The following RNF212B variants were observed in gnomAD, a reference collection of about 807,000 sequenced individuals.
RNF212B encodes the protein ring finger protein 212B.
In RNF212B, 52 loss-of-function variants were observed where a neutral mutation model predicts 55.5. The observed-to-expected ratio is 0.94, with a 90% CI of 0.75 to 1.18. RNF212B has a LOEUF of 1.18. Ranked by LOEUF, RNF212B falls within the 50% of genes most tolerant of loss-of-function variation. RNF212B has a pLI of 0.00. For missense variants in RNF212B, 289 were observed against 350.4 expected (o/e 0.82, Z 1.40); for synonymous variants, 99 against 121.4 (o/e 0.82, Z 1.21).
At chr14:23,210,355 G>A (rs949070639) in intron 2 of RNF212B, among the ~76,000 whole-genome samples, 2 of 152,188 alleles carry the variant, frequency 1.3e-5, no homozygotes, top group Non-Finnish European at 2.9e-5. Flanking sequence ...AACGCAGTGC[G>A]GTATATAGGC....
chr14:23,268,984 T>C (rs1301103275), intron 12 of RNF212B, 21 bp downstream of exon 12: 5 of 1,540,992 alleles, frequency 3.2e-6, no homozygotes, highest in Non-Finnish European at 4.4e-6. Flanking sequence ...CTATGCTTCC[T>C]TTTTCTTGGG....
intron 14 of RNF212B, 128 bp from the exon 15 acceptor site, chr14:23,272,695 A>G: frequency 1.5e-6 from 1 of 688,186 alleles, no homozygotes. Context: ...CATGCAATGA[A>G]GAAAACTATG....
chr14:23,269,068 G>C (rs1885892094), intron 12 of RNF212B, 105 bp downstream of exon 12: 1 of 886,014 alleles, frequency 1.1e-6, no homozygotes, highest in Admixed American at 2.1e-5. Flanking sequence ...ACTTTGGGAG[G>C]CCGAGGAGGG....
chr14:23,262,700 C>T lies in RNF212B; in HGVS notation c.470C>T (p.Pro157Leu). 1 of 1,550,482 alleles carries T rather than the reference C, an allele frequency of 6.4e-7. No individual in the cohort carries two copies. Among genetic ancestry groups the T allele is most frequent in the Non-Finnish European group, 8.7e-7 (1 of 1,146,924 alleles). The change falls in exon 8 of 15, where the codon CCA (proline) becomes CTA (leucine). Residue 157 changes from proline to leucine, a missense_variant. Physicochemically the swap from Pro to Leu is moderately conservative, Grantham distance 98 (BLOSUM62 -3). Coordinates refer to ENST00000430154, the MANE Select transcript of RNF212B (RefSeq NM_001282322.3). ...ITPRPVGITS[P>L]SQSVTPRPSF... ...CCTCGACCAGTGGGCATTACTTCCCCATCACAGTCAGGTGGAGAACATTTT... is the reference window on the plus strand; with the variant it reads ...CCTCGACCAGTGGGCATTACTTCCCTATCACAGTCAGGTGGAGAACATTTT...
At chr14:23,257,963 T>A (rs1438415294) in intron 4 of RNF212B, among the ~76,000 whole-genome samples, 4 of 152,070 alleles carry the variant, frequency 2.6e-5, no homozygotes, top group African/African-American at 4.8e-5. Context: ...AAAACAGTTT[T>A]AAAAAAAATC....
At chr14:23,189,404 A>G (rs1413715870) in intron 1 of RNF212B, among the ~76,000 whole-genome samples, 1 of 152,066 alleles carries the variant, frequency 6.6e-6, no homozygotes, top group African/African-American at 2.4e-5. Flanking sequence ...CAAAGTCTCA[A>G]GACTTTGCTC....
intron 2 of RNF212B, among the ~76,000 whole-genome samples, chr14:23,229,259 T>TATATATATATATAC (rs1434448490): frequency 1.3e-4 from 16 of 122,478 alleles, no homozygotes; most frequent in African/African-American, 5.0e-4. Context: ...TATATATATA[T>TATATATATATATAC]ATACCACATT....
At chr14:23,188,118 G>C (rs1191296486) in intron 1 of RNF212B, 1 of 152,226 alleles carries the variant, frequency 6.6e-6, no homozygotes, top group Non-Finnish European at 1.5e-5. Context: ...GGATGCAGCT[G>C]ACCCTGCTTT....
chr14:23,236,611 A>G (rs1391919228), upstream of RNF212B, among the ~76,000 whole-genome samples: 1 of 152,172 alleles, frequency 6.6e-6, no homozygotes, highest in Admixed American at 6.5e-5. Flanking sequence ...TTTTCAAATA[A>G]TATTTAAAAA....
intron 1 of RNF212B, among the ~76,000 whole-genome samples, chr14:23,238,997 C>T (rs920188273): frequency 6.6e-6 from 1 of 152,044 alleles, no homozygotes; most frequent in Non-Finnish European, 1.5e-5. Context: ...TCAGGTACCT[C>T]TTTTGAAAAA....
At chr14:23,229,256 ATATATAC>A (rs1882337584) in intron 2 of RNF212B, among the ~76,000 whole-genome samples, 1 of 124,660 alleles carries the variant, frequency 8.0e-6, no homozygotes, top group Admixed American at 8.1e-5. Context: ...ATATATATAT[ATATATAC>A]CACATTGTTT....
chr14:23,211,626 A>T (rs146935675), intron 2 of RNF212B, among the ~76,000 whole-genome samples: 1 of 152,354 alleles, frequency 6.6e-6, no homozygotes, highest in East Asian at 1.9e-4. Context: ...CATAAAAAGG[A>T]TAATACGTCA....
intron 7 of RNF212B, among the ~76,000 whole-genome samples, chr14:23,260,922 A>T (rs931743320): frequency 6.6e-6 from 1 of 152,200 alleles, no homozygotes; most frequent in Non-Finnish European, 1.5e-5. Context: ...TGGTGCCATA[A>T]AGAAATAGCA....
chr14:23,197,019 T>C (rs1214462730), intron 2 of RNF212B, among the ~76,000 whole-genome samples: 3 of 152,136 alleles, frequency 2.0e-5, no homozygotes, highest in African/African-American at 4.8e-5. Context: ...CTCACTAATG[T>C]CTTCAGGGCC....
chr14:23,225,928 A>G (rs1323523002), intron 2 of RNF212B, among the ~76,000 whole-genome samples: 1 of 152,200 alleles, frequency 6.6e-6, no homozygotes, highest in Non-Finnish European at 1.5e-5. Flanking sequence ...GCACTATTAC[A>G]CATTGCAAAA....
At chr14:23,185,443 G>A (rs1450024076) in exon 1 of RNF212B, 2 of 152,178 alleles carry the variant, frequency 1.3e-5, no homozygotes, top group Non-Finnish European at 2.9e-5. Context: ...CTTCTGCTCC[G>A]ATTTCAACAT....
chr14:23,204,012 GTA>G (rs1013325616), intron 2 of RNF212B, among the ~76,000 whole-genome samples: 32 of 152,150 alleles, frequency 2.1e-4, no homozygotes, highest in African/African-American at 7.0e-4. Flanking sequence ...TTTGCCATTT[GTA>G]TATCTTCTCT....
At chr14:23,257,923 T>G (rs1272120281) in intron 4 of RNF212B, among the ~76,000 whole-genome samples, 1 of 152,158 alleles carries the variant, frequency 6.6e-6, no homozygotes, top group African/African-American at 2.4e-5. Flanking sequence ...AAACTAATAG[T>G]TGACAAGTTA....
intron 2 of RNF212B, among the ~76,000 whole-genome samples, chr14:23,226,797 T>C (rs1882068896): frequency 9.1e-6 from 1 of 109,332 alleles, no homozygotes; most frequent in Admixed American, 1.2e-4. Context: ...TTTCCTTTCC[T>C]TCTTTCTTCT....
Sources: allele counts gnomAD v4.1 joint callset (sites outside exome capture counted in the v4.1 genomes callset), GRCh38; gene constraint gnomAD v4.1.1; transcripts MANE v1.5; gene names NCBI Gene and HGNC (gene_info 2026-07-23, HGNC 2026-07-21).